The following DLEC1 variants were observed in gnomAD, a reference collection of about 807,000 sequenced individuals.
DLEC1 encodes deleted in lung and esophageal cancer protein 1.
In DLEC1, 146 loss-of-function variants were observed where a neutral mutation model predicts 198.1. The ratio of observed to expected loss-of-function variants is 0.74; its 90% CI spans 0.64 to 0.85. The LOEUF is 0.85. DLEC1 is among the 40% of genes least tolerant of loss of function. The pLI is 0.00. For synonymous variants in DLEC1, 897 were observed against 866.8 expected (o/e 1.03, Z -0.61); for missense variants, 2,233 against 2,220.0 (o/e 1.01, Z -0.12).
At chr3:38,064,731 A>G (rs1161858669) in intron 6 of DLEC1, among the ~76,000 whole-genome samples, 1 of 143,794 alleles carries the variant, frequency 7.0e-6, no homozygotes, top group African/African-American at 2.7e-5. Flanking sequence ...CGCTCCTCAC[A>G]TCTCAGACGG....
At chr3:38,098,000 G>C in intron 18 of DLEC1, 98 bp downstream of exon 18, 2 of 1,462,780 alleles carry the variant, frequency 1.4e-6, no homozygotes, top group Non-Finnish European at 1.9e-6. Flanking sequence ...TCAGAGCTTC[G>C]AGGCTGGTGG....
rs1365151448 is a variant in DLEC1 at position 38,123,243 on chromosome 3, G to A, written c.*831G>A. 3 of 916,526 alleles carry A rather than the reference G, an allele frequency of 3.3e-6. No individual in the cohort carries two copies. The highest frequency in any genetic ancestry group is 3.3e-5 in the African/African-American group (2 of 61,528). 56.8% of individuals were successfully genotyped at this position (916,526 alleles called of 1,614,324 possible). A position where few individuals can be genotyped will look rare whatever the true frequency, so the allele number is the denominator to read the frequency against. On this transcript the variant is annotated 3_prime_UTR_variant, in exon 37 of 37. Transcript: ENST00000308059. ...CAAAACCATCAGACCAGATCTGTGG[G>A]CAAGCGGTACCCTGGCCTCCCACTT...
chr3:38,120,184 C>T (rs1700376971), intron 33 of DLEC1, among the ~76,000 whole-genome samples: 1 of 152,204 alleles, frequency 6.6e-6, no homozygotes, highest in South Asian at 2.1e-4. Flanking sequence ...GCATTTGAAG[C>T]TGTAAAGGGC....
At chr3:38,056,209 G>A (rs1696364247) in intron 2 of DLEC1, among the ~76,000 whole-genome samples, 1 of 152,000 alleles carries the variant, frequency 6.6e-6, no homozygotes, top group Non-Finnish European at 1.5e-5. Context: ...GTTGCAATAA[G>A]CTGAGATCGT....
intron 25 of DLEC1, among the ~76,000 whole-genome samples, chr3:38,113,362 T>C (rs181734145): frequency 1.1e-3 from 162 of 152,306 alleles, no homozygotes; most frequent in African/African-American, 3.7e-3. Flanking sequence ...CAGCCTGTTA[T>C]ATGATGCTGT....
chr3:38,077,615 G>T (rs111900172), intron 6 of DLEC1, among the ~76,000 whole-genome samples: 53,284 of 152,000 alleles, frequency 0.35, 9,786 homozygotes, highest in East Asian at 0.55. Context: ...TTATCAGATT[G>T]TATAGAGGTG....
At chr3:38,096,111 G>A (rs1224855438) in intron 14 of DLEC1, among the ~76,000 whole-genome samples, 165 bp downstream of exon 14, 2 of 152,170 alleles carry the variant, frequency 1.3e-5, no homozygotes, top group Non-Finnish European at 2.9e-5. Context: ...ACCCAGCCCT[G>A]CAATGGGCTG....
intron 2 of DLEC1, among the ~76,000 whole-genome samples, chr3:38,053,458 G>A (rs1330911849): frequency 7.9e-5 from 12 of 151,264 alleles, no homozygotes; most frequent in South Asian, 4.2e-4. Flanking sequence ...TCTGGGAGGT[G>A]AGGAGCATCT....
chr3:38,053,147 C>T (rs1701214785), intron 2 of DLEC1, among the ~76,000 whole-genome samples: 2 of 152,200 alleles, frequency 1.3e-5, no homozygotes, highest in Admixed American at 1.3e-4. Flanking sequence ...CTACAACCTC[C>T]ACCTCCCAGC....
intron 11 of DLEC1, among the ~76,000 whole-genome samples, chr3:38,093,207 T>C (rs1698831477): frequency 6.6e-6 from 1 of 152,116 alleles, no homozygotes; most frequent in Admixed American, 6.5e-5. Flanking sequence ...GGCTCACACA[T>C]AAACAGCCAG....
At position 38,093,718 on chromosome 3, in the gene DLEC1, GA is replaced by G. The variant is rs1311467594; in HGVS notation, c.1874del (p.Asn625ThrfsTer10). On this transcript the variant is annotated frameshift_variant, in exon 12 of 37. Coordinates refer to ENST00000308059, the MANE Select transcript of DLEC1 (RefSeq NM_007335.4). LOFTEE classifies it high-confidence loss of function. The stretch of plus-strand genomic sequence containing the variant: ...CCAGCACTTCATACGATTTGAGCCT[GA>G]AAACCTTCGGTCCACGGCTAGGAAG... ...TAQHFIRFEP[E>X]NLRSTARKQL... The G allele has an allele frequency of 6.2e-7, 1 of 1,614,226 alleles. No individual in the cohort carries two copies. The highest frequency in any genetic ancestry group is 8.5e-7 in the Non-Finnish European group (1 of 1,180,052).
chr3:38,078,026 A>C (rs962082806), intron 6 of DLEC1, among the ~76,000 whole-genome samples: 3 of 152,248 alleles, frequency 2.0e-5, no homozygotes, highest in Non-Finnish European at 4.4e-5. Flanking sequence ...AACTGCCATC[A>C]ATAAATCAAG....
At position 38,116,465 on chromosome 3, in the gene DLEC1, A is replaced by T. The variant is rs760954387; in HGVS notation, c.3869A>T (p.Asp1290Val). 6.2e-7 allele frequency: 1 copy of T among 1,613,956 alleles called. No homozygotes were observed. The highest frequency in any genetic ancestry group is 1.1e-5 in the South Asian group (1 of 91,078). ...ACATCTGCCCCAGACATCCGCCTGG[A>T]TTGGGAGACCTATGTTCCAGAAGAC... ...NNSSPCDIRL[D>V]WETYVPEDKE... is the part of the protein sequence containing the mutation. The change falls in exon 28 of 37, where the codon GAT becomes GTT. Residue 1290 changes from aspartate (D) to valine (V), a missense_variant. Transcript: ENST00000308059.
intron 12 of DLEC1, 56 bp from the exon 13 acceptor site, chr3:38,094,823 G>A: frequency 6.3e-7 from 1 of 1,583,450 alleles, no homozygotes; most frequent in Non-Finnish European, 8.6e-7. Context: ...GCATGGGGTG[G>A]AGGGACCTGG....
chr3:38,053,326 A>T (rs1436500953), intron 2 of DLEC1, among the ~76,000 whole-genome samples: 1 of 146,982 alleles, frequency 6.8e-6, no homozygotes, highest in Non-Finnish European at 1.5e-5. Context: ...CCCGGCCGCC[A>T]TCCCATCTAG....
chr3:38,108,910 C>T (rs1256147578), intron 21 of DLEC1, among the ~76,000 whole-genome samples: 2 of 152,230 alleles, frequency 1.3e-5, no homozygotes, highest in Non-Finnish European at 2.9e-5. Flanking sequence ...CCTAGGTTTC[C>T]CGCTGGAGGC....
At chr3:38,045,273 C>T (rs954942121) in intron 1 of DLEC1, among the ~76,000 whole-genome samples, 3 of 152,184 alleles carry the variant, frequency 2.0e-5, no homozygotes, top group African/African-American at 7.2e-5. Context: ...TGGTATTTCA[C>T]TGTTTGGATG....
intron 19 of DLEC1, among the ~76,000 whole-genome samples, chr3:38,101,130 T>G (rs1207445568): frequency 6.6e-6 from 1 of 152,132 alleles, no homozygotes; most frequent in African/African-American, 2.4e-5. Context: ...TATCTCCTTC[T>G]CCCCACTCCT....
intron 35 of DLEC1, 117 bp downstream of exon 35, chr3:38,121,898 C>T (rs1212136858): frequency 1.3e-6 from 2 of 1,514,888 alleles, no homozygotes; most frequent in Non-Finnish European, 8.9e-7. Flanking sequence ...GGGCAGGCAC[C>T]ACTTGGAATT....
Sources: gnomAD v4.1 joint callset for allele counts (sites outside exome capture counted in the v4.1 genomes callset) on GRCh38, gnomAD v4.1.1 for gene constraint, MANE v1.5 for transcripts, NCBI Gene and HGNC (gene_info 2026-07-23, HGNC 2026-07-21) for gene names.